RBMS1: variants seen among roughly 807,000 people sequenced by gnomAD.
The protein encoded by RBMS1 is RNA-binding motif, single-stranded-interacting protein 1.
Under a neutral mutation model 62.3 loss-of-function variants are expected in RBMS1, and 17 were observed. That is an observed-to-expected ratio of 0.27 (90% CI 0.19 to 0.41). The LOEUF is 0.41. RBMS1 is among the 10% of genes least tolerant of loss of function. The pLI, the probability that RBMS1 is intolerant of heterozygous loss-of-function variation, is 1.00. For missense variants in RBMS1, 334 were observed against 504.5 expected (o/e 0.66, Z 3.24); for synonymous variants, 172 against 170.0 (o/e 1.01, Z -0.09).
chr2:160,313,030 T>A (rs1690015070), intron 4 of RBMS1, 126 bp downstream of exon 4: 2 of 773,102 alleles, frequency 2.6e-6, no homozygotes, highest in South Asian at 3.8e-5. Context: ...ACAGGACAAG[T>A]GTCCAGAAGG....
intron 1 of RBMS1, among the ~76,000 whole-genome samples, chr2:160,392,254 C>T (rs898077987): frequency 6.6e-6 from 1 of 152,178 alleles, no homozygotes; most frequent in African/African-American, 2.4e-5. Flanking sequence ...AAGGATCCTA[C>T]ACATCAGGGG....
At chr2:160,422,505 C>A (rs1289507253) in intron 1 of RBMS1, among the ~76,000 whole-genome samples, 3 of 152,162 alleles carry the variant, frequency 2.0e-5, no homozygotes, top group Non-Finnish European at 2.9e-5. Context: ...CCCCACACCA[C>A]ACTATTATTC....
chr2:160,328,761 G>GT (rs1691093583), intron 2 of RBMS1, among the ~76,000 whole-genome samples: 1 of 152,132 alleles, frequency 6.6e-6, no homozygotes, highest in African/African-American at 2.4e-5. Flanking sequence ...TGTTTTTCAA[G>GT]TGTCTCTAAA....
chr2:160,393,460 T>C (rs1694963947), intron 1 of RBMS1, among the ~76,000 whole-genome samples: 1 of 152,156 alleles, frequency 6.6e-6, no homozygotes, highest in African/African-American at 2.4e-5. Flanking sequence ...GAATGAATGA[T>C]AATCCAAGCT....
At chr2:160,471,783 T>C (rs183642384) in intron 1 of RBMS1, among the ~76,000 whole-genome samples, 197 of 147,912 alleles carry the variant, frequency 1.3e-3, no homozygotes, top group African/African-American at 4.7e-3. Context: ...AGAGGATTTA[T>C]ACTCTAAGAG....
intron 2 of RBMS1, among the ~76,000 whole-genome samples, chr2:160,356,724 G>A (rs1406470727): frequency 1.3e-5 from 2 of 152,122 alleles, no homozygotes; most frequent in African/African-American, 2.4e-5. Flanking sequence ...CAGAACCATA[G>A]CCAAATTAAC....
intron 1 of RBMS1, among the ~76,000 whole-genome samples, chr2:160,376,776 T>C (rs1449890325): frequency 1.3e-5 from 2 of 151,898 alleles, no homozygotes; most frequent in African/African-American, 4.8e-5. Context: ...GCTGGGACAA[T>C]AGGAGCATGC....
chr2:160,435,569 C>A (rs1017827772), intron 1 of RBMS1, among the ~76,000 whole-genome samples: 1 of 152,240 alleles, frequency 6.6e-6, no homozygotes, highest in Admixed American at 6.5e-5. Context: ...ATTGTCCAAG[C>A]CTTAGGCTTT....
chr2:160,476,405 C>CATG (rs1164336339), intron 1 of RBMS1, among the ~76,000 whole-genome samples: 2 of 152,114 alleles, frequency 1.3e-5, no homozygotes, highest in East Asian at 3.9e-4. Context: ...AGAAGCATTT[C>CATG]ATCACTAAAG....
At chr2:160,448,003 C>T (rs935990699) in intron 1 of RBMS1, among the ~76,000 whole-genome samples, 2 of 152,122 alleles carry the variant, frequency 1.3e-5, no homozygotes, top group Admixed American at 6.5e-5. Context: ...TATAAATAGG[C>T]TAATCAGATC....
At chr2:160,402,386 A>C (rs1695477928) in intron 1 of RBMS1, among the ~76,000 whole-genome samples, 1 of 152,230 alleles carries the variant, frequency 6.6e-6, no homozygotes, top group African/African-American at 2.4e-5. Flanking sequence ...AGTATGTCTT[A>C]TTATCATGAT....
intron 4 of RBMS1, among the ~76,000 whole-genome samples, chr2:160,304,205 G>A (rs1287962928): frequency 6.6e-6 from 1 of 152,064 alleles, no homozygotes; most frequent in Non-Finnish European, 1.5e-5. Flanking sequence ...GCTATCTAAG[G>A]AGTTTGATTT....
At chr2:160,386,984 T>C (rs919156805) in intron 1 of RBMS1, among the ~76,000 whole-genome samples, 12 of 152,236 alleles carry the variant, frequency 7.9e-5, no homozygotes, top group African/African-American at 2.7e-4. Flanking sequence ...TGTTATTTTG[T>C]GTACATCACC....
chr2:160,460,335 A>C (rs1684407482), intron 1 of RBMS1, among the ~76,000 whole-genome samples: 1 of 152,218 alleles, frequency 6.6e-6, no homozygotes, highest in Non-Finnish European at 1.5e-5. Context: ...GGGAATCAAC[A>C]CATATCACAC....
At chr2:160,349,755 TAATAAGCAAA>T (rs1019900008) in intron 2 of RBMS1, among the ~76,000 whole-genome samples, 2 of 137,920 alleles carry the variant, frequency 1.5e-5, no homozygotes, top group East Asian at 2.2e-4. Context: ...ATTTTGCTTA[TAATAAGCAAA>T]AATAAGCAAA....
chr2:160,422,855 G>A (rs112183711), intron 1 of RBMS1, among the ~76,000 whole-genome samples: 2 of 152,216 alleles, frequency 1.3e-5, no homozygotes, highest in African/African-American at 4.8e-5. Flanking sequence ...CTTTACTGCT[G>A]TATAGCATTC....
Position 160,367,334 on chromosome 2 carries a change from T to C in RBMS1, c.133A>G (p.Asn45Asp). 6.2e-7 allele frequency: 1 copy of C among 1,613,946 alleles called. No individual in the cohort carries two copies. Among genetic ancestry groups the C allele is most frequent in the Non-Finnish European group, 8.5e-7 (1 of 1,179,960 alleles). ...TTGCTACTGCTGCTACTGTTGTTAT[T>C]ACTGCTGGTGGTGCTGGGACTGGGA... ...APPSPSTTSS[N>D]NNSSSSSNSG... The change falls in exon 2 of 14, where the codon AAT becomes GAT. Residue 45 changes from asparagine (N) to aspartate (D), a missense_variant. Asn to Asp is a conservative substitution (Grantham distance 23). This residue lies in a region of RBMS1 where 150 missense variants were observed against 228.0 expected (regional missense o/e 0.66). Coordinates refer to ENST00000348849, the MANE Select transcript of RBMS1 (RefSeq NM_016836.4).
At chr2:160,316,630 G>A (rs1029986557) in intron 3 of RBMS1, among the ~76,000 whole-genome samples, 3 of 152,180 alleles carry the variant, frequency 2.0e-5, no homozygotes, top group African/African-American at 7.2e-5. Context: ...TGCTTTTGGA[G>A]CAGAGTGTAA....
At chr2:160,394,069 G>A (rs1695009412) in intron 1 of RBMS1, among the ~76,000 whole-genome samples, 1 of 152,168 alleles carries the variant, frequency 6.6e-6, no homozygotes, top group South Asian at 2.1e-4. Flanking sequence ...TCATGTTGTA[G>A]ACACCAGAAA....
Sources: gnomAD v4.1 joint callset for allele counts (sites outside exome capture counted in the v4.1 genomes callset) on GRCh38, gnomAD v4.1.1 for gene constraint, gnomAD v4.1.1 regional missense constraint, MANE v1.5 for transcripts, NCBI Gene and HGNC (gene_info 2026-07-23, HGNC 2026-07-21) for gene names.